The following CTBP2 variants were observed in gnomAD, a reference collection of about 807,000 sequenced individuals.
CTBP2 encodes C-terminal-binding protein 2.
A neutral mutation model predicts 80.3 loss-of-function variants in CTBP2; 30 were observed. The ratio of observed to expected loss-of-function variants is 0.37; its 90% CI spans 0.28 to 0.51. The LOEUF (loss-of-function observed/expected upper bound fraction) is 0.51. Among genes scored for constraint, CTBP2 ranks in the 20% least tolerant of loss-of-function variants. The pLI, the probability that CTBP2 is intolerant of heterozygous loss-of-function variation, is 0.93. For missense variants in CTBP2, 1,212 were observed against 1,375.3 expected, an observed-to-expected ratio of 0.88 and a Z score of 1.88; for synonymous variants, 594 against 587.4, an observed-to-expected ratio of 1.01 and a Z score of -0.16.
At chr10:125,033,375 G>A (rs773318391) in intron 3 of CTBP2, among the ~76,000 whole-genome samples, 5 of 152,184 alleles carry the variant, frequency 3.3e-5, no homozygotes, top group Non-Finnish European at 5.9e-5. Flanking sequence ...GAACGCCCTC[G>A]AGCGCGCACG....
chr10:125,149,785 C>G (rs1028223252), intron 1 of CTBP2, among the ~76,000 whole-genome samples: 1 of 152,218 alleles, frequency 6.6e-6, no homozygotes, highest in African/African-American at 2.4e-5. Flanking sequence ...CTGGGAGCTC[C>G]CGCATCACCT....
intron 1 of CTBP2, among the ~76,000 whole-genome samples, chr10:125,111,641 G>A (rs1342227820): frequency 6.6e-6 from 1 of 152,172 alleles, no homozygotes; most frequent in East Asian, 1.9e-4. Context: ...CAATCCTAAT[G>A]TTCAATAAAA....
chr10:125,119,298 G>A (rs540270673), intron 1 of CTBP2, among the ~76,000 whole-genome samples: 5 of 152,342 alleles, frequency 3.3e-5, no homozygotes, highest in East Asian at 1.9e-4. Context: ...AGGAGTCAGC[G>A]AGGGTGTGAC....
Position 124,989,200 on chromosome 10 carries a change from G to A in CTBP2, c.*318C>T, listed in dbSNP as rs1013372055. 2.9e-6 allele frequency: 1 copy of A among 343,988 alleles called. No individual in the cohort carries two copies. The allele number at this position is 343,988 out of a possible 1,614,324, so 21.3% of individuals were successfully genotyped here. On this transcript the variant is annotated 3_prime_UTR_variant, in exon 9 of 9. Transcript: ENST00000309035. ...GCAACATTGTAGAGCAGGGTGTTCA[G>A]GACCTGCTGTGCCCAAGGGACTGAT...
intron 2 of CTBP2, among the ~76,000 whole-genome samples, chr10:125,042,300 C>T (rs758325042): frequency 1.3e-5 from 2 of 152,246 alleles, no homozygotes; most frequent in Admixed American, 6.5e-5. Flanking sequence ...CTGCACACAG[C>T]GGCCTCCAGC....
chr10:124,987,804 G>C lies in CTBP2; in HGVS notation c.*1714C>G, dbSNP rs1194736748. The C allele has an allele frequency of 2.0e-5, 3 of 152,076 alleles. No individual in the cohort carries two copies. Among genetic ancestry groups the C allele is most frequent in the Admixed American group, 2.0e-4 (3 of 15,260 alleles). 9.4% of individuals were successfully genotyped at this position (152,076 alleles called of 1,614,324 possible). ...GGGAAGTATAAGGAAGAGCTCAGAG[G>C]GAGTTTCATACCTGGAATTGTTGGA... On this transcript the variant is annotated 3_prime_UTR_variant, in exon 9 of 9. Transcript: ENST00000309035.
intron 1 of CTBP2, among the ~76,000 whole-genome samples, chr10:125,011,216 C>T (rs1336407020): frequency 1.3e-5 from 2 of 152,238 alleles, no homozygotes; most frequent in African/African-American, 4.8e-5. Flanking sequence ...TCCTCGGCTT[C>T]TGAGTTTGGC....
chr10:125,138,033 G>A (rs1439620213), intron 1 of CTBP2: 1 of 152,210 alleles, frequency 6.6e-6, no homozygotes, highest in Non-Finnish European at 1.5e-5. Flanking sequence ...ATTAGCTTCA[G>A]AAGCGGAGCC....
chr10:125,100,895 C>G (rs561387966), intron 2 of CTBP2: 2 of 152,338 alleles, frequency 1.3e-5, no homozygotes, highest in South Asian at 4.1e-4. Context: ...TTGAAATTTA[C>G]TGAATATATG....
intron 1 of CTBP2, among the ~76,000 whole-genome samples, chr10:125,158,123 A>C (rs1378420517): frequency 6.6e-6 from 1 of 152,222 alleles, no homozygotes; most frequent in Non-Finnish European, 1.5e-5. Context: ...AAGATCCTTT[A>C]AAGTCTCATT....
intron 1 of CTBP2, among the ~76,000 whole-genome samples, chr10:125,153,585 C>T (rs1259252728): frequency 6.6e-6 from 1 of 152,164 alleles, no homozygotes; most frequent in Non-Finnish European, 1.5e-5. Context: ...TCTCATTTCC[C>T]CTCTCCACCC....
At chr10:125,132,468 CCA>C (rs1211297709) in intron 1 of CTBP2, among the ~76,000 whole-genome samples, 1 of 152,122 alleles carries the variant, frequency 6.6e-6, no homozygotes, top group Non-Finnish European at 1.5e-5. Context: ...CCTGGGGTTC[CCA>C]CAGTTGGGGG....
upstream of CTBP2, among the ~76,000 whole-genome samples, chr10:125,032,409 G>A (rs1441317990): frequency 6.6e-6 from 1 of 152,190 alleles, no homozygotes; most frequent in Non-Finnish European, 1.5e-5. Context: ...AAGGTCCCAG[G>A]ATGCCGTCCT....
intron 1 of CTBP2, among the ~76,000 whole-genome samples, chr10:125,024,555 C>CA (rs1226800749): frequency 6.6e-6 from 1 of 152,226 alleles, no homozygotes; most frequent in Non-Finnish European, 1.5e-5. Flanking sequence ...GGCAATCTTA[C>CA]AGGTTCCTCC....
Position 125,134,409 on chromosome 10 carries a change from T to C in CTBP2, c.-205-23316A>G, listed in dbSNP as rs530426978. Among the ~76,000 whole-genome samples, 9 of 152,238 alleles carry C rather than the reference T, an allele frequency of 5.9e-5. No homozygotes were observed. In the South Asian group the frequency reaches 1.2e-3, roughly 21 times the overall value. On this transcript the variant is annotated intron_variant, in intron 1 of 10. Transcript: ENST00000337195. ...GGAGAAAGGAAGGTCCATGACTCTG[T>C]AGGGACCGCCTGGTGGGGAATTCAG... is the stretch of plus-strand genomic sequence containing the variant.
intron 1 of CTBP2, among the ~76,000 whole-genome samples, chr10:125,016,813 C>T (rs1317214944): frequency 3.9e-5 from 6 of 152,230 alleles, no homozygotes; most frequent in African/African-American, 1.4e-4. Context: ...TCTACAGCAT[C>T]CCAGGCTCAG....
At chr10:124,995,720 C>G (rs1027324610) in intron 4 of CTBP2, among the ~76,000 whole-genome samples, 1 of 152,176 alleles carries the variant, frequency 6.6e-6, no homozygotes, top group African/African-American at 2.4e-5. Flanking sequence ...TAGCAAGGCA[C>G]GAACCATCAC....
At chr10:125,157,815 T>C (rs1317233108) in intron 1 of CTBP2, among the ~76,000 whole-genome samples, 1 of 152,222 alleles carries the variant, frequency 6.6e-6, no homozygotes, top group African/African-American at 2.4e-5. Context: ...TGTAAGCATA[T>C]TTTGCAAGAA....
At chr10:125,086,959 C>T (rs149853105) in intron 2 of CTBP2, among the ~76,000 whole-genome samples, 84 of 152,222 alleles carry the variant, frequency 5.5e-4, no homozygotes, top group Non-Finnish European at 1.0e-3. Flanking sequence ...CACACACGTG[C>T]GCCCACACAC....
Sources: gnomAD v4.1 joint callset for allele counts (sites outside exome capture counted in the v4.1 genomes callset) on GRCh38, gnomAD v4.1.1 for gene constraint, MANE v1.5 for transcripts, NCBI Gene and HGNC (gene_info 2026-07-23, HGNC 2026-07-21) for gene names.